The following NLGN4X variants were observed in gnomAD, a reference collection of about 807,000 sequenced individuals.
NLGN4X encodes the protein neuroligin-4, X-linked.
Under a neutral mutation model 40.3 loss-of-function variants are expected in NLGN4X, and 3 were observed. That is an observed-to-expected ratio of 0.07 (90% confidence interval 0.03 to 0.19). The LOEUF (loss-of-function observed/expected upper bound fraction) is 0.19, where lower values mean the gene tolerates loss of function less well. NLGN4X is among the 10% of genes least tolerant of loss of function. The pLI is 1.00. For missense variants in NLGN4X, 382 were observed against 708.3 expected, an observed-to-expected ratio of 0.54 and a Z score of 5.23; for synonymous variants, 270 against 306.8, an observed-to-expected ratio of 0.88 and a Z score of 1.25.
chrX:6,003,975 T>C (rs897135373), intron 3 of NLGN4X, among the ~76,000 whole-genome samples: 5 of 112,144 alleles, frequency 4.5e-5, no homozygotes, highest in Admixed American at 3.8e-4. Flanking sequence ...CCACAAGGGG[T>C]AGAGCAGCGA....
At chrX:6,054,779 T>C (rs766484463) in intron 2 of NLGN4X, among the ~76,000 whole-genome samples, 2 of 110,728 alleles carry the variant, frequency 1.8e-5, no homozygotes, top group East Asian at 5.7e-4. Flanking sequence ...TGCCTCAGCC[T>C]CCCGAGTAGC....
At chrX:6,197,174 T>C (rs1240418560) in intron 1 of NLGN4X, among the ~76,000 whole-genome samples, 1 of 111,934 alleles carries the variant, frequency 8.9e-6, no homozygotes, top group Non-Finnish European at 1.9e-5. Context: ...TTCTGGACTT[T>C]ATTCCAGAAT....
At chrX:5,949,380 C>T (rs1601937222) in intron 3 of NLGN4X, among the ~76,000 whole-genome samples, 3 of 111,611 alleles carry the variant, frequency 2.7e-5, no homozygotes, top group African/African-American at 6.5e-5. Context: ...GTTGGTGATG[C>T]CTTCCAGGGA....
intron 3 of NLGN4X, among the ~76,000 whole-genome samples, chrX:5,978,211 G>T (rs1396470068): frequency 8.9e-6 from 1 of 112,116 alleles, no homozygotes; most frequent in Non-Finnish European, 1.9e-5. Context: ...ATATTCTAGA[G>T]AGTGGAAATT....
intron 2 of NLGN4X, among the ~76,000 whole-genome samples, chrX:6,030,483 A>C (rs1412491741): frequency 1.2e-5 from 1 of 85,741 alleles, no homozygotes; most frequent in Non-Finnish European, 2.3e-5. Context: ...ATTTATTTTC[A>C]ATTTCTTCAT....
chrX:5,973,397 A>G (rs1384561617), intron 3 of NLGN4X, among the ~76,000 whole-genome samples: 3 of 112,841 alleles, frequency 2.7e-5, no homozygotes, highest in Non-Finnish European at 5.6e-5. Context: ...GACAAAAATG[A>G]CATGCTTTAT....
chrX:6,161,451 AAT>A (rs1321130192), intron 1 of NLGN4X, among the ~76,000 whole-genome samples: 1 of 100,313 alleles, frequency 1.0e-5, no homozygotes. Flanking sequence ...CATATAGAAT[AAT>A]ATAAAATATA....
chrX:5,935,723 A>G (rs960633429), intron 3 of NLGN4X, among the ~76,000 whole-genome samples: 10 of 111,833 alleles, frequency 8.9e-5, no homozygotes, highest in African/African-American at 2.9e-4. Flanking sequence ...TGGTATAACC[A>G]TCGGGTGAGG....
At chrX:5,961,322 C>G (rs1384934482) in intron 3 of NLGN4X, among the ~76,000 whole-genome samples, 2 of 112,349 alleles carry the variant, frequency 1.8e-5, no homozygotes, top group Non-Finnish European at 3.8e-5. Context: ...GATTTTGAAG[C>G]TCTCAGAAGA....
At chrX:6,023,998 A>G (rs1184765304) in intron 3 of NLGN4X, among the ~76,000 whole-genome samples, 1 of 111,176 alleles carries the variant, frequency 9.0e-6, no homozygotes, top group Non-Finnish European at 1.9e-5. Context: ...AACAACAACA[A>G]CAAAAAAAAA....
At position 5,952,427 on chromosome X, in the gene NLGN4X, G is replaced by A. The variant is rs561581761; in HGVS notation, c.626-43188C>T. Among the ~76,000 whole-genome samples the A allele has an allele frequency of 2.9e-4, 32 of 110,425 alleles. No individual in the cohort carries two copies. The South Asian group carries it at 9.8e-3, about 34-fold the overall frequency. On this transcript the variant is annotated intron_variant, in intron 3 of 5. Transcript: ENST00000381095. ...GTGTGAGAAGGATGGGGTTTCTTAC[G>A]TAAGACCCTCTATGGCTGCTTCTCA...
chrX:6,111,311 G>A (rs1279235525), intron 2 of NLGN4X, among the ~76,000 whole-genome samples: 1 of 111,391 alleles, frequency 9.0e-6, no homozygotes, highest in African/African-American at 3.3e-5. Context: ...AAAAGAGGCT[G>A]CAGGCCCTTC....
At chrX:6,178,631 C>T (rs781513772) in intron 1 of NLGN4X, among the ~76,000 whole-genome samples, 5 of 112,096 alleles carry the variant, frequency 4.5e-5, no homozygotes, top group Non-Finnish European at 9.4e-5. Context: ...GAAACAAATG[C>T]CTGTAAGACT....
At chrX:6,113,920 A>G (rs2039211628) in intron 2 of NLGN4X, among the ~76,000 whole-genome samples, 2 of 111,072 alleles carry the variant, frequency 1.8e-5, no homozygotes, top group Admixed American at 9.6e-5. Context: ...TCCTGGGTTC[A>G]AGTGATTCTC....
chrX:6,105,078 T>G (rs927670977), intron 2 of NLGN4X, among the ~76,000 whole-genome samples: 2 of 110,831 alleles, frequency 1.8e-5, no homozygotes, highest in African/African-American at 3.3e-5. Flanking sequence ...TTTTTTTTTT[T>G]GAGATGGAGT....
intron 2 of NLGN4X, among the ~76,000 whole-genome samples, chrX:6,118,930 A>C (rs1034863226): frequency 1.8e-5 from 2 of 111,602 alleles, no homozygotes; most frequent in Non-Finnish European, 3.8e-5. Flanking sequence ...TGCACATGCT[A>C]TTCCATCCTC....
chrX:6,203,115 T>C (rs1157810379), intron 1 of NLGN4X, among the ~76,000 whole-genome samples: 3 of 112,573 alleles, frequency 2.7e-5, no homozygotes, highest in Non-Finnish European at 5.6e-5. Context: ...AAAGTCCTAA[T>C]ATGATTGCCC....
intron 3 of NLGN4X, among the ~76,000 whole-genome samples, chrX:5,967,830 A>AC (rs1194918132): frequency 9.0e-6 from 1 of 110,944 alleles, no homozygotes; most frequent in African/African-American, 3.3e-5. Flanking sequence ...GTCCTGTGAT[A>AC]CCAAGCCCCT....
chrX:6,204,304 G>A lies in NLGN4X; in HGVS notation c.-306+24237C>T, dbSNP rs181826896. On this transcript the variant is annotated intron_variant, in intron 1 of 5. Coordinates refer to ENST00000381095, the MANE Select transcript of NLGN4X (RefSeq NM_181332.3). ...GTTGCTGTAGTGTTTTGAATGATAAGCCTAGCATTTGGGGGCCATGGGGAA... is the reference window on the plus strand; with the variant it reads ...GTTGCTGTAGTGTTTTGAATGATAAACCTAGCATTTGGGGGCCATGGGGAA... Among the ~76,000 whole-genome samples, 498 of 111,841 alleles carry A rather than the reference G, an allele frequency of 4.5e-3. 2 individuals carry two copies. The highest frequency in any genetic ancestry group is 0.015 in the African/African-American group (464 of 30,824).
Sources: gnomAD v4.1 joint callset for allele counts (sites outside exome capture counted in the v4.1 genomes callset) on GRCh38, gnomAD v4.1.1 for gene constraint, MANE v1.5 for transcripts, NCBI Gene and HGNC (gene_info 2026-07-23, HGNC 2026-07-21) for gene names.